The following STAG1 variants were observed in gnomAD, a reference collection of about 807,000 sequenced individuals.
STAG1 encodes cohesin subunit SA-1.
A neutral mutation model predicts 170.9 loss-of-function variants in STAG1; 26 were observed. That is an observed-to-expected ratio of 0.15 (90% CI 0.11 to 0.21). The LOEUF is 0.21. Ranked by LOEUF, STAG1 falls within the 10% of genes least tolerant of loss-of-function variation. The pLI, the probability that STAG1 is intolerant of heterozygous loss-of-function variation, is 1.00. For missense variants in STAG1, 964 were observed against 1,509.5 expected, an observed-to-expected ratio of 0.64 and a Z score of 5.99; for synonymous variants, 514 against 497.7, an observed-to-expected ratio of 1.03 and a Z score of -0.44.
At chr3:136,696,837 A>T (rs998801167) in intron 1 of STAG1, among the ~76,000 whole-genome samples, 3 of 152,214 alleles carry the variant, frequency 2.0e-5, no homozygotes, top group African/African-American at 7.2e-5. Context: ...ACCACGAATA[A>T]GAAAACAGGT....
At chr3:136,497,780 G>A (rs1339490519) in intron 9 of STAG1, among the ~76,000 whole-genome samples, 13 of 151,540 alleles carry the variant, frequency 8.6e-5, no homozygotes, top group East Asian at 3.9e-4. Flanking sequence ...GCGTGAACCC[G>A]GGAGGTGGAG....
chr3:136,708,967 C>CTTTTTTT (rs61595071), intron 1 of STAG1, among the ~76,000 whole-genome samples: 12 of 86,064 alleles, frequency 1.4e-4, no homozygotes, highest in Non-Finnish European at 2.3e-4. Flanking sequence ...CTGCAGCTGG[C>CTTTTTTT]TTTTTTTTTT....
At chr3:136,408,431 A>C (rs973017139) in intron 21 of STAG1, among the ~76,000 whole-genome samples, 2 of 152,160 alleles carry the variant, frequency 1.3e-5, no homozygotes, top group African/African-American at 4.8e-5. Flanking sequence ...TAAAACAGAA[A>C]GGTTCTGATG....
At chr3:136,677,014 C>T (rs903572449) in intron 1 of STAG1, among the ~76,000 whole-genome samples, 1 of 152,138 alleles carries the variant, frequency 6.6e-6, no homozygotes, top group South Asian at 2.1e-4. Context: ...ACCCATGAAG[C>T]TGTCATCTCT....
intron 23 of STAG1, among the ~76,000 whole-genome samples, chr3:136,372,719 G>A (rs1181895684): frequency 6.6e-6 from 1 of 152,120 alleles, no homozygotes; most frequent in East Asian, 1.9e-4. Flanking sequence ...TGGTGGATAA[G>A]CTTTTTGATG....
rs1168405992 is a variant in STAG1, at chr3:136,500,291, T to C, written c.834A>G (p.Gln278=). The change falls in exon 9 of 34, where the codon CAA becomes CAG. Residue 278 remains glutamine, a synonymous_variant. Coordinates refer to ENST00000383202, the MANE Select transcript of STAG1 (RefSeq NM_005862.3). The part of the protein sequence containing the change: ...ELLLQKRKEL[Q]ENQDEIENMM... ...TATTTTCGATTTCATCCTGATTTTC[T>C]TGCAGCTGAAATGAAAAAATATATA... 4 of 1,585,728 alleles carry C rather than the reference T, an allele frequency of 2.5e-6. No individual in the cohort carries two copies. Among genetic ancestry groups the C allele is most frequent in the Non-Finnish European group, 3.4e-6 (4 of 1,159,918 alleles).
chr3:136,576,747 T>C (rs1937475056), intron 4 of STAG1, among the ~76,000 whole-genome samples: 1 of 152,222 alleles, frequency 6.6e-6, no homozygotes, highest in African/African-American at 2.4e-5. Context: ...CAATTCAATC[T>C]AGATATCTAC....
chr3:136,511,209 T>G (rs2107885090), intron 7 of STAG1, among the ~76,000 whole-genome samples: 1 of 152,366 alleles, frequency 6.6e-6, no homozygotes, highest in South Asian at 2.1e-4. Context: ...TCCCTAGCAA[T>G]GCAGAACTGT....
At chr3:136,729,408 T>G (rs1337533325) in intron 1 of STAG1, among the ~76,000 whole-genome samples, 1 of 151,966 alleles carries the variant, frequency 6.6e-6, no homozygotes, top group East Asian at 1.9e-4. Context: ...ATAAGAGAAT[T>G]AATTATATTC....
chr3:136,683,407 G>A (rs1202389436), intron 1 of STAG1, among the ~76,000 whole-genome samples: 2 of 152,006 alleles, frequency 1.3e-5, no homozygotes, highest in Non-Finnish European at 2.9e-5. Flanking sequence ...AGGACCACAG[G>A]TGCACACCAA....
intron 1 of STAG1, among the ~76,000 whole-genome samples, chr3:136,748,397 A>AT (rs775871005): frequency 6.6e-5 from 10 of 150,650 alleles, no homozygotes; most frequent in Non-Finnish European, 1.5e-4. Context: ...AAAAATAATA[A>AT]ATTTTTTTTT....
chr3:136,663,252 C>T (rs1343387784), intron 1 of STAG1, among the ~76,000 whole-genome samples: 1 of 151,882 alleles, frequency 6.6e-6, no homozygotes, highest in Non-Finnish European at 1.5e-5. Flanking sequence ...TTATCAAATG[C>T]TTAATATAAG....
intron 5 of STAG1, among the ~76,000 whole-genome samples, chr3:136,550,715 G>GTC (rs1193240699): frequency 6.6e-6 from 1 of 151,308 alleles, no homozygotes; most frequent in East Asian, 2.0e-4. Flanking sequence ...GTTCCTTGTA[G>GTC]TCTCTTATGA....
At chr3:136,693,729 C>G (rs1055121302) in intron 1 of STAG1, among the ~76,000 whole-genome samples, 1 of 151,818 alleles carries the variant, frequency 6.6e-6, no homozygotes, top group African/African-American at 2.4e-5. Context: ...CCCCCATACT[C>G]AGCTAATTAT....
chr3:136,580,574 C>T (rs1343950888), intron 4 of STAG1, among the ~76,000 whole-genome samples: 13 of 145,048 alleles, frequency 9.0e-5, no homozygotes, highest in East Asian at 8.3e-4. Flanking sequence ...TCGCCCAGGC[C>T]GGACTGCGGA....
In STAG1 at chr3:136,472,481, T is replaced by C. The variant is rs2089650502; in HGVS notation, c.1137A>G (p.Val379=). Residue 379 remains valine, a synonymous_variant, in exon 12 of 34, where the codon GTA becomes GTG. Coordinates refer to ENST00000383202, the MANE Select transcript of STAG1 (RefSeq NM_005862.3). ...LFTNRFKDRI[V]SMTLDKEYDV... is the part of the protein sequence containing the mutation. ...CATATTCTTTATCAAGTGTCATTGA[T>C]ACAATGCGATCCTGAGAAAAAAAAG... 3 of 1,612,126 alleles carry C rather than the reference T, an allele frequency of 1.9e-6. No individual in the cohort carries two copies. The highest frequency in any genetic ancestry group is 2.5e-6 in the Non-Finnish European group (3 of 1,179,052).
chr3:136,513,945 A>G (rs906213490), intron 7 of STAG1, among the ~76,000 whole-genome samples: 2 of 152,172 alleles, frequency 1.3e-5, no homozygotes, highest in Non-Finnish European at 2.9e-5. Flanking sequence ...AAAAAAAGTC[A>G]AAAATTTGAT....
At chr3:136,622,451 C>T (rs369194827) in intron 3 of STAG1, among the ~76,000 whole-genome samples, 3 of 152,062 alleles carry the variant, frequency 2.0e-5, no homozygotes, top group East Asian at 3.9e-4. Context: ...TGAGATGAAA[C>T]AAGATTGGTC....
chr3:136,381,993 A>C (rs935983075), intron 22 of STAG1, among the ~76,000 whole-genome samples: 2 of 152,212 alleles, frequency 1.3e-5, no homozygotes, highest in Non-Finnish European at 2.9e-5. Context: ...TGCTTTGCAT[A>C]TAGTAGATAT....
Sources: gnomAD v4.1 joint callset for allele counts (sites outside exome capture counted in the v4.1 genomes callset) on GRCh38, gnomAD v4.1.1 for gene constraint, MANE v1.5 for transcripts, NCBI Gene and HGNC (gene_info 2026-07-23, HGNC 2026-07-21) for gene names.